Variants in HSPBP1 observed in about 807,000 individuals in gnomAD.
The protein encoded by HSPBP1 is HSPA (Hsp70) binding protein 1.
Under a neutral mutation model 41.7 loss-of-function variants are expected in HSPBP1, and 31 were observed. The observed-to-expected ratio is 0.74, with a 90% confidence interval of 0.56 to 1.00. The LOEUF is 1.00. Ranked by LOEUF, HSPBP1 falls within the 50% of genes least tolerant of loss-of-function variation. The probability of loss-of-function intolerance (pLI) is 0.00; values close to 1 mark genes in which losing one functional copy is unlikely to be tolerated. For missense variants in HSPBP1, 439 were observed against 487.9 expected (o/e 0.90, Z 0.94); for synonymous variants, 199 against 214.4 (o/e 0.93, Z 0.63).
intron 3 of HSPBP1, among the ~76,000 whole-genome samples, chr19:55,275,949 G>GAAA (rs775780681): frequency 9.1e-6 from 1 of 110,480 alleles, no homozygotes. Context: ...CTCTGTCTCA[G>GAAA]AAAAAAAAAA....
rs1241413043 is a variant in HSPBP1, at chr19:55,277,665, C to T, written c.392G>A (p.Cys131Tyr). 1 of 1,606,238 alleles carries T rather than the reference C, an allele frequency of 6.2e-7. No individual in the cohort carries two copies. Among genetic ancestry groups the T allele is most frequent in the South Asian group, 1.1e-5 (1 of 89,896 alleles). Residue 131 changes from cysteine to tyrosine, a missense_variant, in exon 3 of 8, where the codon TGT (cysteine) becomes TAT (tyrosine). Transcript: ENST00000433386. ...EGALELLADLCENMDNAADFC... is the reference protein window; with the variant it reads ...EGALELLADLYENMDNAADFC... ...ACCTGCGGCATTGTCCATGTTCTCA[C>T]ACAGGTCGGCCAGCAGCTCCAGGGC... is the stretch of plus-strand genomic sequence containing the variant.
In HSPBP1 at chr19:55,277,678, G is replaced by T. The variant is rs1421295039; in HGVS notation, c.379C>A (p.Leu127Met). 1.2e-6 allele frequency: 2 copies of T among 1,606,350 alleles called. No individual in the cohort carries two copies. Among genetic ancestry groups the T allele is most frequent in the East Asian group, 4.5e-5 (2 of 44,572 alleles). The stretch of plus-strand genomic sequence containing the variant: ...TCCATGTTCTCACACAGGTCGGCCA[G>T]CAGCTCCAGGGCCCCCTCTCGCTCT... ...QQEREGALEL[L>M]ADLCENMDNA... The change falls in exon 3 of 8, where the codon CTG becomes ATG. Residue 127 changes from leucine (L) to methionine (M), a missense_variant. Transcript: ENST00000433386.
rs2087832966 is a variant in HSPBP1, at chr19:55,268,074, A to G, written c.641-1788T>C. Among the ~76,000 whole-genome samples, 2 of 152,246 alleles carry G rather than the reference A, an allele frequency of 1.3e-5. No individual in the cohort carries two copies. The highest frequency in any genetic ancestry group is 4.8e-5 in the African/African-American group (2 of 41,460). The stretch of plus-strand genomic sequence containing the variant: ...ACTAAGGAAAAGAGTTGTTCATTTC[A>G]TTTAAGTTCCATTCATTTAAACTTA... On this transcript the variant is annotated intron_variant, in intron 4 of 7. Transcript: ENST00000433386. This position sits in a 1 kb window ranked among gnomAD's most constrained non-coding sequence, Gnocchi z 4.5.
In HSPBP1 at chr19:55,270,311, C is replaced by T. The variant is rs1024425665; in HGVS notation, c.641-4025G>A. ...CCTGCCAACTGCCAGCAAAACTCTG[C>T]TAGCCCCGGGGCGAGCCATGGTGGA... is the stretch of plus-strand genomic sequence containing the variant. On this transcript the variant is annotated intron_variant, in intron 4 of 7. Coordinates refer to ENST00000433386, the MANE Select transcript of HSPBP1 (RefSeq NM_012267.5). The surrounding 1 kb of genome is among the most constrained non-coding windows in gnomAD (Gnocchi z 5.4). 2.0e-5 allele frequency among the ~76,000 whole-genome samples: 3 copies of T among 152,346 alleles called. No homozygotes were observed. The highest frequency in any genetic ancestry group is 2.1e-4 in the South Asian group (1 of 4,830).
chr19:55,272,232 C>G lies in HSPBP1; in HGVS notation c.640+2166G>C, dbSNP rs972235554. ...ACAGGAGCACGAGAGCCCAGAGATA[C>G]AAGGAAACCAGGGACTGTCAGCAGA... On this transcript the variant is annotated intron_variant, in intron 4 of 7. Coordinates refer to ENST00000433386, the MANE Select transcript of HSPBP1 (RefSeq NM_012267.5). The surrounding 1 kb of genome is among the most constrained non-coding windows in gnomAD (Gnocchi z 4.2). 5.3e-5 allele frequency among the ~76,000 whole-genome samples: 8 copies of G among 152,146 alleles called. No homozygotes were observed. The highest frequency in any genetic ancestry group is 1.7e-4 in the African/African-American group (7 of 41,444).
chr19:55,274,452 G>C lies in HSPBP1; in HGVS notation c.586C>G (p.Leu196Val), dbSNP rs1354548607. Residue 196 changes from leucine to valine, a missense_variant, in exon 4 of 8, where the codon CTG (leucine) becomes GTG (valine). Leu to Val is a conservative substitution (Grantham distance 32). Coordinates refer to ENST00000433386, the MANE Select transcript of HSPBP1 (RefSeq NM_012267.5). ...ACCGTGTCGCAGGCGTCGCGGTCCAGCAGCCGCAGCAGCTTACGCAGGGCA... is the reference window on the plus strand; with the variant it reads ...ACCGTGTCGCAGGCGTCGCGGTCCACCAGCCGCAGCAGCTTACGCAGGGCA... ...LGALRKLLRL[L>V]DRDACDTVRV... The C allele has an allele frequency of 1.9e-6, 3 of 1,582,010 alleles. No individual in the cohort carries two copies. The highest frequency in any genetic ancestry group is 2.6e-6 in the Non-Finnish European group (3 of 1,168,656).
chr19:55,269,549 A>G (rs1251325518), intron 4 of HSPBP1, among the ~76,000 whole-genome samples: 4 of 152,192 alleles, frequency 2.6e-5, no homozygotes, highest in Non-Finnish European at 4.4e-5. Context: ...TCAGCGCTAA[A>G]AAGAAATGAG....
At chr19:55,266,661 C>T (rs1178869251) in intron 4 of HSPBP1, among the ~76,000 whole-genome samples, 1 of 150,906 alleles carries the variant, frequency 6.6e-6, no homozygotes, top group African/African-American at 2.4e-5. Context: ...TCGTCACCAT[C>T]ATCACCACCA....
chr19:55,265,898 C>T lies in HSPBP1; in HGVS notation c.881G>A (p.Gly294Glu). ...EHSPFHEHVL[G>E]ALCSLVTDFP... ...GGAGCCAAAGTACCTGCACAGGGCT[C>T]CAAGCACGTGCTCGTGGAAGGGGCT... The change falls in exon 6 of 8, where the codon GGA (glycine) becomes GAA (glutamate). Residue 294 changes from glycine (G) to glutamate (E), a missense_variant. By Grantham distance (98) the Gly-to-Glu change is moderately conservative (BLOSUM62 -2). Transcript: ENST00000433386. The T allele has an allele frequency of 6.2e-7, 1 of 1,606,332 alleles. No homozygotes were observed. Among genetic ancestry groups the T allele is most frequent in the Non-Finnish European group, 8.5e-7 (1 of 1,177,568 alleles).
chr19:55,269,788 T>C (rs1427057690), intron 4 of HSPBP1, among the ~76,000 whole-genome samples: 2 of 152,208 alleles, frequency 1.3e-5, no homozygotes, highest in Admixed American at 6.5e-5. Flanking sequence ...ATCCATGTCA[T>C]GATACAGTTG....
Position 55,277,767 on chromosome 19 carries a change from A to G in HSPBP1, c.290T>C (p.Leu97Pro). 1 of 1,606,752 alleles carries G rather than the reference A, an allele frequency of 6.2e-7. No homozygotes were observed. ...GGGCATGGGCTGTGACAGCACTCGG[A>G]GGCAGCTCTTCATCTGCTCCACCTC... is the stretch of plus-strand genomic sequence containing the variant. The part of the protein sequence containing the change: ...REEVEQMKSC[L>P]RVLSQPMPPT... Residue 97 changes from leucine to proline, a missense_variant, in exon 3 of 8, where the codon CTC becomes CCC. By Grantham distance (98) the Leu-to-Pro change is moderately conservative. Transcript: ENST00000433386.
At chr19:55,275,973 C>T (rs1412907353) in intron 3 of HSPBP1, among the ~76,000 whole-genome samples, 1 of 150,360 alleles carries the variant, frequency 6.7e-6, no homozygotes. Flanking sequence ...AAAAATTTGC[C>T]AGGCCTGATG....
Position 55,266,131 on chromosome 19 carries a change from C to T in HSPBP1, c.796G>A (p.Gly266Arg). Residue 266 changes from glycine (G) to arginine (R), a missense_variant and splice_region_variant, in exon 5 of 8, where the codon GGG (glycine) becomes AGG (arginine). Physicochemically the swap from Gly to Arg is moderately radical, Grantham distance 125. Coordinates refer to ENST00000433386, the MANE Select transcript of HSPBP1 (RefSeq NM_012267.5). ...TGCCCTCACTCAAGGGCTGCCACAC[C>T]TTTGTGTTCAGGGTGGCCCACCAGC... ...NLLVGHPEHK[G>R]TLCSMGMVQQ... 1 of 1,601,874 alleles carries T rather than the reference C, an allele frequency of 6.2e-7. No homozygotes were observed. The highest frequency in any genetic ancestry group is 8.5e-7 in the Non-Finnish European group (1 of 1,174,512).
Position 55,268,366 on chromosome 19 carries a change from G to A in HSPBP1, c.641-2080C>T, listed in dbSNP as rs2087840104. ...AATCATTTGAACCCGGGAGGTGGAGGTTGCAGTGAGCCGAGATTGCGCCAT... is the reference window on the plus strand; with the variant it reads ...AATCATTTGAACCCGGGAGGTGGAGATTGCAGTGAGCCGAGATTGCGCCAT... On this transcript the variant is annotated intron_variant, in intron 4 of 7. Coordinates refer to ENST00000433386, the MANE Select transcript of HSPBP1 (RefSeq NM_012267.5). This position sits in a 1 kb window ranked among gnomAD's most constrained non-coding sequence, Gnocchi z 4.5. 6.6e-6 allele frequency among the ~76,000 whole-genome samples: 1 copy of A among 152,148 alleles called. No individual in the cohort carries two copies. Among genetic ancestry groups the A allele is most frequent in the South Asian group, 2.1e-4 (1 of 4,826 alleles).
chr19:55,263,162 C>T (rs1410850547), intron 7 of HSPBP1, among the ~76,000 whole-genome samples: 1 of 152,148 alleles, frequency 6.6e-6, no homozygotes, highest in East Asian at 1.9e-4. Flanking sequence ...AAAAGTCATT[C>T]GCAAAAACCA....
Position 55,274,584 on chromosome 19 carries a change from G to A in HSPBP1, c.454C>T (p.Arg152Trp), listed in dbSNP as rs778647232. 13 of 1,608,152 alleles carry A rather than the reference G, an allele frequency of 8.1e-6. No homozygotes were observed. The highest frequency in any genetic ancestry group is 6.7e-5 in the East Asian group (3 of 44,874). ...QLSGMHLLVG[R>W]YLEAGAAGLR... ...CCCGCAGCCCCCGCCTCCAGGTACC[G>A]GCCCACCAGCAGGTGCATGCCAGAC... The change falls in exon 4 of 8, where the codon CGG (arginine) becomes TGG (tryptophan). Residue 152 changes from arginine to tryptophan, a missense_variant. Transcript: ENST00000433386.
In HSPBP1 at chr19:55,262,691, G is replaced by C. The variant is rs1294730984; in HGVS notation, c.1006-9C>G. ...CAGAACTCCAGCTCCTCCTGGATTG[G>C]GCAGGGGCAGGGAGCAAGGGGCCTG... On this transcript the variant is annotated splice_polypyrimidine_tract_variant and intron_variant, in intron 7 of 7. Transcript: ENST00000433386. 1 of 1,610,950 alleles carries C rather than the reference G, an allele frequency of 6.2e-7. No individual in the cohort carries two copies. Among genetic ancestry groups the C allele is most frequent in the Non-Finnish European group, 8.5e-7 (1 of 1,178,618 alleles).
intron 5 of HSPBP1, 21 bp downstream of exon 5, chr19:55,266,110 C>T (rs2087767352): frequency 1.4e-5 from 22 of 1,597,864 alleles, no homozygotes; most frequent in Non-Finnish European, 1.8e-5. Context: ...CACTCCTGCC[C>T]TCACTCAAGG....
intron 4 of HSPBP1, among the ~76,000 whole-genome samples, chr19:55,269,717 T>C (rs1486096796): frequency 1.3e-5 from 2 of 152,136 alleles, no homozygotes; most frequent in Non-Finnish European, 2.9e-5. Flanking sequence ...GTGGGATGAC[T>C]AGCGGGAGCA....
Sources: allele counts gnomAD v4.1 joint callset (sites outside exome capture counted in the v4.1 genomes callset), GRCh38; gene constraint gnomAD v4.1.1; non-coding constraint Gnocchi (gnomAD v3.1); transcripts MANE v1.5; gene names NCBI Gene and HGNC (gene_info 2026-07-23, HGNC 2026-07-21).